The following AIG1 variants were observed in gnomAD, a reference collection of about 807,000 sequenced individuals.
AIG1 encodes androgen-induced gene 1 protein.
In AIG1, 23 loss-of-function variants were observed where a neutral mutation model predicts 31.4. The observed-to-expected ratio is 0.73, with a 90% CI of 0.53 to 1.04. The LOEUF is 1.04. AIG1 is among the 50% of genes least tolerant of loss of function. AIG1 has a pLI of 0.00. For synonymous variants in AIG1, 100 were observed against 110.5 expected (o/e 0.90, Z 0.60); for missense variants, 274 against 295.0 (o/e 0.93, Z 0.52).
intron 1 of AIG1, among the ~76,000 whole-genome samples, chr6:143,089,178 C>T (rs2128474572): frequency 1.3e-5 from 2 of 150,534 alleles, no homozygotes; most frequent in Middle Eastern, 6.9e-3. Flanking sequence ...CATTGCACTC[C>T]AGCCTGGGCA....
At chr6:143,113,316 G>T (rs1781449859) in intron 1 of AIG1, among the ~76,000 whole-genome samples, 1 of 151,892 alleles carries the variant, frequency 6.6e-6, no homozygotes, top group Admixed American at 6.6e-5. Flanking sequence ...AATTATTAAA[G>T]ATTTCTGGCG....
At chr6:143,147,937 C>G (rs1172277065) in intron 2 of AIG1, among the ~76,000 whole-genome samples, 2 of 152,190 alleles carry the variant, frequency 1.3e-5, no homozygotes, top group Non-Finnish European at 2.9e-5. Context: ...TTTATTTAAT[C>G]TTCACATCCC....
At chr6:143,191,239 T>C (rs1789763959) in intron 3 of AIG1, among the ~76,000 whole-genome samples, 1 of 152,174 alleles carries the variant, frequency 6.6e-6, no homozygotes, top group Admixed American at 6.5e-5. Context: ...CAGTTTCTAT[T>C]GCAATAAAAT....
At chr6:143,187,463 C>T in intron 3 of AIG1, 1 of 1,535,480 alleles carries the variant, frequency 6.5e-7, no homozygotes, top group Non-Finnish European at 8.7e-7. Context: ...AAGTTTGGCA[C>T]TCGACACTCT....
At chr6:143,100,907 A>C (rs563447013) in intron 1 of AIG1, among the ~76,000 whole-genome samples, 4 of 151,282 alleles carry the variant, frequency 2.6e-5, no homozygotes, top group Non-Finnish European at 4.4e-5. Context: ...CTGGTCTCAA[A>C]CTCCTGACCT....
At chr6:143,295,051 T>A (rs531660855) in intron 4 of AIG1, among the ~76,000 whole-genome samples, 1 of 152,254 alleles carries the variant, frequency 6.6e-6, no homozygotes, top group South Asian at 2.1e-4. Flanking sequence ...CCTCATGCCA[T>A]GCCAGATGTC....
intron 1 of AIG1, among the ~76,000 whole-genome samples, chr6:143,092,937 G>A (rs1316190752): frequency 6.6e-6 from 1 of 152,036 alleles, no homozygotes; most frequent in East Asian, 1.9e-4. Flanking sequence ...ATAGTCCCAG[G>A]TACTCAGGAG....
intron 3 of AIG1, among the ~76,000 whole-genome samples, chr6:143,181,380 TTTCAGAACTGC>T (rs1481719224): frequency 6.6e-6 from 1 of 152,222 alleles, no homozygotes; most frequent in Non-Finnish European, 1.5e-5. Context: ...AGTCAGATGC[TTTCAGAACTGC>T]TTCATGCTAT....
chr6:143,160,011 T>C (rs756905872), intron 2 of AIG1, among the ~76,000 whole-genome samples: 4 of 152,198 alleles, frequency 2.6e-5, no homozygotes, highest in Non-Finnish European at 5.9e-5. Context: ...TCTTTTCCTA[T>C]CAGTATTTGG....
chr6:143,169,897 G>T (rs1446858289), intron 3 of AIG1, among the ~76,000 whole-genome samples: 1 of 152,118 alleles, frequency 6.6e-6, no homozygotes, highest in Non-Finnish European at 1.5e-5. Context: ...TTTATGAGAT[G>T]TATCAAATTT....
At chr6:143,170,940 G>A (rs1787448084) in intron 3 of AIG1, among the ~76,000 whole-genome samples, 2 of 151,784 alleles carry the variant, frequency 1.3e-5, no homozygotes, top group African/African-American at 2.4e-5. Flanking sequence ...AACAATGAAG[G>A]AAGCCTGCAG....
At chr6:143,224,769 T>C (rs1792807342) in intron 3 of AIG1, among the ~76,000 whole-genome samples, 1 of 152,182 alleles carries the variant, frequency 6.6e-6, no homozygotes, top group Non-Finnish European at 1.5e-5. Flanking sequence ...AATCTGCCTG[T>C]GGTTTCCATC....
At position 143,078,422 on chromosome 6, in the gene AIG1, G is replaced by A. The variant is rs1024331778; in HGVS notation, c.141+17356G>A. Among the ~76,000 whole-genome samples, 167 of 152,136 alleles carry A rather than the reference G, an allele frequency of 1.1e-3. 5 individuals are homozygous for A. Among genetic ancestry groups the A allele is most frequent in the Admixed American group, 0.011 (165 of 15,282 alleles). On this transcript the variant is annotated intron_variant, in intron 1 of 5. Coordinates refer to ENST00000357847, the MANE Select transcript of AIG1 (RefSeq NM_016108.4). ...ATCCATTTTTCCTGGCTCTTTGTAT[G>A]TCAAATTGTTTTGGATTATACCATG...
Position 143,061,138 on chromosome 6 carries a change from G to A in AIG1, c.141+72G>A, listed in dbSNP as rs1583028737. The A allele has an allele frequency of 3.2e-6, 5 of 1,560,760 alleles. No homozygotes were observed. In the East Asian group the frequency reaches 1.1e-4, roughly 36 times the overall value. On this transcript the variant is annotated intron_variant, in intron 1 of 5. Transcript: ENST00000357847. ...TGTGCGTGTGTGTGTGTGTGTGTGT[G>A]TGTGTGTGTGGATGCGCGAGCACCT...
chr6:143,316,837 A>G (rs1775787746), intron 4 of AIG1, among the ~76,000 whole-genome samples: 1 of 152,082 alleles, frequency 6.6e-6, no homozygotes, highest in Admixed American at 6.6e-5. Context: ...TACAACTGAT[A>G]CCACAGAAAT....
chr6:143,271,605 G>T (rs1796532619), intron 3 of AIG1, among the ~76,000 whole-genome samples: 1 of 152,112 alleles, frequency 6.6e-6, no homozygotes, highest in African/African-American at 2.4e-5. Context: ...AGCATCTTTA[G>T]TACCATTGAA....
chr6:143,178,482 C>G (rs1334723099), intron 3 of AIG1, among the ~76,000 whole-genome samples: 1 of 152,182 alleles, frequency 6.6e-6, no homozygotes, highest in African/African-American at 2.4e-5. Flanking sequence ...TGGGGGCTCT[C>G]CTCTTATTAG....
rs1017597506 is a variant in AIG1 at position 143,330,498 on chromosome 6, A to G, written c.516-2784A>G. On this transcript the variant is annotated intron_variant, in intron 4 of 5. Transcript: ENST00000357847. This position sits in a 1 kb window ranked among gnomAD's most constrained non-coding sequence, Gnocchi z 4.4. ...TTAGAGTGTTCGAGGAACACCAAGGAGTTGATGGGCTGGAGTGGCGGGGAA... is the reference window on the plus strand; with the variant it reads ...TTAGAGTGTTCGAGGAACACCAAGGGGTTGATGGGCTGGAGTGGCGGGGAA... 1.3e-5 allele frequency among the ~76,000 whole-genome samples: 2 copies of G among 152,138 alleles called. No homozygotes were observed. The highest frequency in any genetic ancestry group is 2.9e-5 in the Non-Finnish European group (2 of 68,012).
intron 2 of AIG1, among the ~76,000 whole-genome samples, chr6:143,139,120 T>C (rs1022807613): frequency 6.6e-6 from 1 of 152,214 alleles, no homozygotes; most frequent in South Asian, 2.1e-4. Context: ...ATGTCAACTC[T>C]TGGTGTCTTT....
Sources: gnomAD v4.1 joint callset for allele counts (sites outside exome capture counted in the v4.1 genomes callset) on GRCh38, gnomAD v4.1.1 for gene constraint, Gnocchi (gnomAD v3.1) non-coding constraint, MANE v1.5 for transcripts, NCBI Gene and HGNC (gene_info 2026-07-23, HGNC 2026-07-21) for gene names.